The following BFSP1 variants were observed in gnomAD, a reference collection of about 807,000 sequenced individuals.
The protein encoded by BFSP1 is filensin.
A neutral mutation model predicts 43.9 loss-of-function variants in BFSP1; 38 were observed. The ratio of observed to expected loss-of-function variants is 0.87; its 90% CI spans 0.67 to 1.14. The LOEUF is 1.14. Ranked by LOEUF, BFSP1 falls within the 50% of genes most tolerant of loss-of-function variation. The pLI is 0.00. For synonymous variants in BFSP1, 352 were observed against 354.8 expected (o/e 0.99, Z 0.09); for missense variants, 850 against 875.1 (o/e 0.97, Z 0.36).
In BFSP1 at chr20:17,507,272, G is replaced by GGTGT. The variant is rs373485156; in HGVS notation, c.735+1613_735+1616dup. On this transcript the variant is annotated intron_variant, in intron 5 of 7. Coordinates refer to ENST00000377873, the MANE Select transcript of BFSP1 (RefSeq NM_001195.5). This position sits in a 1 kb window ranked among gnomAD's most constrained non-coding sequence, Gnocchi z 4.4. ...GCGAGCCATACACATCAGATAGGTA[G>GGTGT]GTGTGTGTGTGTGTGTGTGTGTGTG... Among the ~76,000 whole-genome samples, 6,944 of 141,242 alleles carry GGTGT rather than the reference G, an allele frequency of 0.049. 248 individuals are homozygous for GGTGT. The highest frequency in any genetic ancestry group is 0.089 in the East Asian group (426 of 4,772). The allele number at this position is 141,242 out of a possible 152,430, so 92.7% of individuals were successfully genotyped here.
chr20:17,533,668 C>A (rs1174350111), upstream of BFSP1, among the ~76,000 whole-genome samples: 2 of 152,194 alleles, frequency 1.3e-5, no homozygotes, highest in Non-Finnish European at 2.9e-5. Context: ...AAGGAGGAGG[C>A]AGGGCTCAGC....
At chr20:17,514,901 C>T in intron 2 of BFSP1, 85 bp from the exon 3 acceptor site, 2 of 1,199,996 alleles carry the variant, frequency 1.7e-6, no homozygotes, top group Non-Finnish European at 2.4e-6. Context: ...ACACAGACCA[C>T]CTGGGAGCTT....
At chr20:17,505,547 A>T (rs79776981) in intron 5 of BFSP1, among the ~76,000 whole-genome samples, 8,593 of 152,312 alleles carry the variant, frequency 0.056, 267 homozygotes, top group Middle Eastern at 0.096. Flanking sequence ...CCGGCCACAG[A>T]GCGGGCCCTG....
chr20:17,557,607 T>C lies in BFSP1; in HGVS notation c.2+1081A>G, dbSNP rs902283608. ...GAATCACCTTTTCAGATTTGGTGCCTTCTTCCAGGTCTCTTGCCTGGGACC... is the reference window on the plus strand; with the variant it reads ...GAATCACCTTTTCAGATTTGGTGCCCTCTTCCAGGTCTCTTGCCTGGGACC... On this transcript the variant is annotated intron_variant, in intron 1 of 7. Transcript: ENST00000377868. Among the ~76,000 whole-genome samples, 5 of 152,214 alleles carry C rather than the reference T, an allele frequency of 3.3e-5. No homozygotes were observed. In the East Asian group the frequency reaches 9.6e-4, roughly 29 times the overall value.
intron 1 of BFSP1, among the ~76,000 whole-genome samples, chr20:17,548,059 T>A (rs1183418957): frequency 6.6e-6 from 1 of 151,598 alleles, no homozygotes; most frequent in Non-Finnish European, 1.5e-5. Context: ...AATAGAGGCA[T>A]TTTTATGGAA....
Position 17,531,310 on chromosome 20 carries a change from A to T in BFSP1, c.20T>A (p.Val7Asp). The T allele has an allele frequency of 6.8e-7, 1 of 1,468,714 alleles. No individual in the cohort carries two copies. The highest frequency in any genetic ancestry group is 2.9e-5 in the East Asian group (1 of 34,184). The allele number at this position is 1,468,714 out of a possible 1,614,324, so 91.0% of individuals were successfully genotyped here. A position where few individuals can be genotyped will look rare whatever the true frequency, so the allele number is the denominator to read the frequency against. ...GTACTGCTCCTTGCGGGTCTGGAAG[A>T]CGTAGCTGCGCCGGTACATGGCTGC... MYRRSY[V>D]FQTRKEQYEH... is the part of the protein sequence containing the mutation. The change falls in exon 1 of 8, where the codon GTC (valine) becomes GAC (aspartate). Residue 7 changes from valine to aspartate, a missense_variant. Val to Asp is a radical substitution (Grantham distance 152). Coordinates refer to ENST00000377873, the MANE Select transcript of BFSP1 (RefSeq NM_001195.5).
At chr20:17,566,441 C>T (rs1381910130) in intron 1 of BFSP1, among the ~76,000 whole-genome samples, 1 of 152,122 alleles carries the variant, frequency 6.6e-6, no homozygotes, top group African/African-American at 2.4e-5. Flanking sequence ...AAGGAGAGAC[C>T]TTATGTGTCT....
intron 1 of BFSP1, 88 bp from the exon 2 acceptor site, chr20:17,524,996 G>A: frequency 8.6e-7 from 1 of 1,156,410 alleles, no homozygotes; most frequent in Non-Finnish European, 1.3e-6. Context: ...TTCAACCTGG[G>A]TACGATGCCC....
intron 7 of BFSP1, among the ~76,000 whole-genome samples, chr20:17,495,735 C>T (rs1165118464): frequency 6.6e-6 from 1 of 152,170 alleles, no homozygotes; most frequent in Non-Finnish European, 1.5e-5. Context: ...TTGAAGAAAA[C>T]ACATAAAATT....
In BFSP1 at chr20:17,553,814, CACACACACACAT is replaced by C. The variant is rs1192835190; in HGVS notation, c.2+4862_2+4873del. On this transcript the variant is annotated intron_variant, in intron 1 of 7. Coordinates refer to the BFSP1 transcript ENST00000377868. ...ATATATACACACACACACACACACACACACACACACATATATATATATACACATATATATACA... is the reference window on the plus strand; with the variant it reads ...ATATATACACACACACACACACACACATATATATATACACATATATATACA... 6.3e-4 allele frequency among the ~76,000 whole-genome samples: 63 copies of C among 100,070 alleles called. 2 individuals are homozygous for C. The highest frequency in any genetic ancestry group is 2.7e-3 in the African/African-American group (46 of 16,884). The allele number at this position is 100,070 out of a possible 152,430, so 65.6% of individuals were successfully genotyped here.
At chr20:17,529,320 C>T (rs1327527580) in intron 1 of BFSP1, among the ~76,000 whole-genome samples, 1 of 152,222 alleles carries the variant, frequency 6.6e-6, no homozygotes, top group African/African-American at 2.4e-5. Flanking sequence ...AAGTGTTCTG[C>T]CTGCCTTGGC....
intron 1 of BFSP1, 67 bp downstream of exon 1, chr20:17,530,886 C>T: frequency 2.3e-6 from 3 of 1,316,278 alleles, no homozygotes; most frequent in Non-Finnish European, 2.9e-6. Flanking sequence ...TAGCAGCGTG[C>T]TCCCAGCCCC....
chr20:17,503,345 T>C (rs2033849526), intron 5 of BFSP1, among the ~76,000 whole-genome samples: 1 of 152,202 alleles, frequency 6.6e-6, no homozygotes, highest in African/African-American at 2.4e-5. Flanking sequence ...CACTTTTCTA[T>C]GTTTGAAATC....
At chr20:17,521,228 C>T (rs778045889) in intron 2 of BFSP1, among the ~76,000 whole-genome samples, 9 of 152,138 alleles carry the variant, frequency 5.9e-5, no homozygotes, top group East Asian at 1.9e-4. Context: ...TTGTAGGTAA[C>T]GTGTTGAGGA....
chr20:17,524,533 T>C (rs2034379385), intron 2 of BFSP1, among the ~76,000 whole-genome samples: 1 of 152,158 alleles, frequency 6.6e-6, no homozygotes, highest in Admixed American at 6.5e-5. Context: ...CTTCCTAAAT[T>C]TGGTGTTGGG....
chr20:17,551,755 G>A (rs2034898986), intron 1 of BFSP1, among the ~76,000 whole-genome samples: 1 of 152,278 alleles, frequency 6.6e-6, no homozygotes, highest in East Asian at 1.9e-4. Flanking sequence ...GGCAGAGGCG[G>A]GTGGATCACC....
At chr20:17,542,047 T>C (rs1184736717) in intron 1 of BFSP1, among the ~76,000 whole-genome samples, 1 of 152,154 alleles carries the variant, frequency 6.6e-6, no homozygotes, top group Non-Finnish European at 1.5e-5. Context: ...ACCTCCAAAA[T>C]CAATTTCAGG....
intron 2 of BFSP1, among the ~76,000 whole-genome samples, chr20:17,520,697 A>C (rs973615754): frequency 1.3e-5 from 2 of 150,368 alleles, no homozygotes; most frequent in African/African-American, 2.5e-5. Context: ...CTCTTCCTCC[A>C]CTCCTCTTGC....
intron 1 of BFSP1, among the ~76,000 whole-genome samples, chr20:17,526,900 G>C (rs902596400): frequency 6.6e-6 from 1 of 152,088 alleles, no homozygotes; most frequent in Non-Finnish European, 1.5e-5. Context: ...TGTCAGTTTG[G>C]AGTTTCTGTC....
Sources: gnomAD v4.1 joint callset for allele counts (sites outside exome capture counted in the v4.1 genomes callset) on GRCh38, gnomAD v4.1.1 for gene constraint, Gnocchi (gnomAD v3.1) non-coding constraint, MANE v1.5 for transcripts, NCBI Gene and HGNC (gene_info 2026-07-23, HGNC 2026-07-21) for gene names.